GDPD1: variants seen among roughly 807,000 people sequenced by gnomAD.
GDPD1 encodes the protein lysophospholipase D GDPD1.
A neutral mutation model predicts 45.1 loss-of-function variants in GDPD1; 28 were observed. That is an observed-to-expected ratio of 0.62 (90% CI 0.46 to 0.85). The LOEUF (loss-of-function observed/expected upper bound fraction) is 0.85. Ranked by LOEUF, GDPD1 falls within the 40% of genes least tolerant of loss-of-function variation. The pLI is 0.00. For synonymous variants in GDPD1, 139 were observed against 131.4 expected, an observed-to-expected ratio of 1.06 and a Z score of -0.40; for missense variants, 256 against 364.8, an observed-to-expected ratio of 0.70 and a Z score of 2.43.
At position 59,274,226 on chromosome 17, in the gene GDPD1, C is replaced by A; in HGVS notation, c.*453C>A. 1 of 948,538 alleles carries A rather than the reference C, an allele frequency of 1.1e-6. No homozygotes were observed. Among genetic ancestry groups the A allele is most frequent in the Non-Finnish European group, 1.3e-6 (1 of 796,802 alleles). 58.8% of individuals were successfully genotyped at this position (948,538 alleles called of 1,614,324 possible). ...ATCAAAGACTATTGGATACATTTGGCATTGGGCTGAGTGTGGTGGCTCATG... is the reference window on the plus strand; with the variant it reads ...ATCAAAGACTATTGGATACATTTGGAATTGGGCTGAGTGTGGTGGCTCATG... On this transcript the variant is annotated 3_prime_UTR_variant, in exon 10 of 10. Coordinates refer to ENST00000284116, the MANE Select transcript of GDPD1 (RefSeq NM_182569.4).
rs201060556 is a variant in GDPD1, at chr17:59,244,537, C to T, written c.186-877C>T. Among the ~76,000 whole-genome samples, 5 of 151,908 alleles carry T rather than the reference C, an allele frequency of 3.3e-5. No individual in the cohort carries two copies. In the East Asian group the frequency reaches 7.7e-4, roughly 23 times the overall value. ...TAGTAGAGATGGGGTTTCACCTTGTCGGCCAGGCTAGTCTCAAACTCCTGA... is the reference window on the plus strand; with the variant it reads ...TAGTAGAGATGGGGTTTCACCTTGTTGGCCAGGCTAGTCTCAAACTCCTGA... On this transcript the variant is annotated intron_variant, in intron 2 of 9. Coordinates refer to ENST00000284116, the MANE Select transcript of GDPD1 (RefSeq NM_182569.4).
intron 1 of GDPD1, among the ~76,000 whole-genome samples, chr17:59,222,505 C>CTTTTTCTTTTTTTT (rs2047013516): frequency 2.4e-5 from 1 of 41,754 alleles, no homozygotes; most frequent in Non-Finnish European, 4.6e-5. Context: ...AGTGCCCAGC[C>CTTTTTCTTTTTTTT]TTTTTTTTTT....
At position 59,257,137 on chromosome 17, in the gene GDPD1, G is replaced by A. The variant is rs1474150050; in HGVS notation, c.383G>A (p.Gly128Glu). 1.3e-6 allele frequency: 2 copies of A among 1,589,690 alleles called. No homozygotes were observed. The highest frequency in any genetic ancestry group is 3.5e-5 in the Admixed American group (2 of 57,344). ...GCTTTCTCAGCATGCCAGTGTGAAGGAAAAGATAACCGAATTCCATTACTG... is the reference window on the plus strand; with the variant it reads ...GCTTTCTCAGCATGCCAGTGTGAAGAAAAAGATAACCGAATTCCATTACTG... The part of the protein sequence containing the change: ...VSFQRACQCE[G>E]KDNRIPLLKE... The change falls in exon 5 of 10, where the codon GGA becomes GAA. Residue 128 changes from glycine to glutamate, a missense_variant. Transcript: ENST00000284116.
chr17:59,246,293 A>T (rs1393863958), intron 3 of GDPD1, among the ~76,000 whole-genome samples: 1 of 151,948 alleles, frequency 6.6e-6, no homozygotes, highest in East Asian at 1.9e-4. Context: ...ACTGTGCATC[A>T]TGTATATTGA....
intron 8 of GDPD1, 23 bp from the exon 9 acceptor site, chr17:59,272,762 C>T (rs1209868771): frequency 7.0e-7 from 1 of 1,423,350 alleles, no homozygotes; most frequent in East Asian, 2.3e-5. Flanking sequence ...ATTCCTAAAT[C>T]AGTTTTGCTT....
At chr17:59,258,798 G>C (rs2047329367) in intron 6 of GDPD1, among the ~76,000 whole-genome samples, 1 of 151,450 alleles carries the variant, frequency 6.6e-6, no homozygotes, top group African/African-American at 2.5e-5. Flanking sequence ...TCTTGTGTTA[G>C]GTAATTAAAT....
intron 1 of GDPD1, among the ~76,000 whole-genome samples, chr17:59,231,713 G>A (rs1033487235): frequency 5.9e-5 from 9 of 152,006 alleles, no homozygotes; most frequent in African/African-American, 2.2e-4. Context: ...TTAAAATTAA[G>A]ACAACTGCAG....
chr17:59,266,709 C>T (rs1460814676), intron 6 of GDPD1, among the ~76,000 whole-genome samples: 1 of 152,008 alleles, frequency 6.6e-6, no homozygotes, highest in Non-Finnish European at 1.5e-5. Context: ...ATATATTCAT[C>T]TTTTCATTTT....
At chr17:59,254,228 G>A (rs1216375641) in intron 4 of GDPD1, among the ~76,000 whole-genome samples, 1 of 152,104 alleles carries the variant, frequency 6.6e-6, no homozygotes, top group Non-Finnish European at 1.5e-5. Flanking sequence ...AGGCGTGGTG[G>A]CAGATGCCTG....
chr17:59,256,933 G>T (rs945363511), intron 4 of GDPD1, among the ~76,000 whole-genome samples, 189 bp from the exon 5 acceptor site: 1 of 152,192 alleles, frequency 6.6e-6, no homozygotes, highest in African/African-American at 2.4e-5. Flanking sequence ...TAGGAAAAAA[G>T]AGTAGAGAAA....
At chr17:59,273,235 C>A (rs963859769) in intron 9 of GDPD1, among the ~76,000 whole-genome samples, 4 of 151,484 alleles carry the variant, frequency 2.6e-5, no homozygotes, top group African/African-American at 9.7e-5. Context: ...TCAAGCAATT[C>A]TCATGCCTCA....
At chr17:59,229,239 T>A (rs1197573920) in intron 1 of GDPD1, among the ~76,000 whole-genome samples, 1 of 150,134 alleles carries the variant, frequency 6.7e-6, no homozygotes, top group Non-Finnish European at 1.5e-5. Flanking sequence ...CTGCAAACTC[T>A]ACCTCCTGGG....
rs570267373 is a variant in GDPD1 at position 59,232,221 on chromosome 17, G to A, written c.143-2271G>A. 9.9e-5 allele frequency among the ~76,000 whole-genome samples: 15 copies of A among 152,250 alleles called. No individual in the cohort carries two copies. In the South Asian group the frequency reaches 2.9e-3, roughly 29 times the overall value. On this transcript the variant is annotated intron_variant, in intron 1 of 9. Transcript: ENST00000284116. ...TAATCCCAGCACTTTGGGAGGCCAA[G>A]GCGGGCGGATCACAAGGTCAGGAGT...
At chr17:59,263,341 T>C (rs1025697111) in intron 6 of GDPD1, among the ~76,000 whole-genome samples, 2 of 152,116 alleles carry the variant, frequency 1.3e-5, no homozygotes, top group Non-Finnish European at 2.9e-5. Context: ...AGGCTCACTT[T>C]TGGCCTGTAA....
chr17:59,273,589 T>C (rs978375020), intron 9 of GDPD1, 62 bp from the exon 10 acceptor site: 2 of 963,850 alleles, frequency 2.1e-6, no homozygotes, highest in Middle Eastern at 2.7e-4. Flanking sequence ...ATAAATACTG[T>C]TATAAAAATA....
chr17:59,225,916 TCA>T (rs2047043991), intron 1 of GDPD1, among the ~76,000 whole-genome samples: 1 of 151,656 alleles, frequency 6.6e-6, no homozygotes, highest in East Asian at 1.9e-4. Flanking sequence ...GAGATGGGGT[TCA>T]CCATGTTGGC....
intron 1 of GDPD1, among the ~76,000 whole-genome samples, chr17:59,230,553 T>C (rs1225023804): frequency 6.6e-6 from 1 of 151,586 alleles, no homozygotes; most frequent in African/African-American, 2.4e-5. Context: ...CGGCTAATTT[T>C]GTATTTTTAT....
At chr17:59,265,982 G>C (rs2047395868) in intron 6 of GDPD1, among the ~76,000 whole-genome samples, 1 of 140,366 alleles carries the variant, frequency 7.1e-6, no homozygotes, top group Admixed American at 7.3e-5. Flanking sequence ...TTGCACAACA[G>C]TGTGAATATA....
At chr17:59,231,118 G>A (rs1048953974) in intron 1 of GDPD1, among the ~76,000 whole-genome samples, 7 of 152,036 alleles carry the variant, frequency 4.6e-5, no homozygotes, top group Non-Finnish European at 8.8e-5. Flanking sequence ...CCAGCGGCTC[G>A]TGCTCACTGC....
Sources: allele counts gnomAD v4.1 joint callset (sites outside exome capture counted in the v4.1 genomes callset), GRCh38; gene constraint gnomAD v4.1.1; transcripts MANE v1.5; gene names NCBI Gene and HGNC (gene_info 2026-07-23, HGNC 2026-07-21).